Variants in SPIDR observed in about 807,000 individuals in gnomAD.
SPIDR encodes DNA repair-scaffolding protein.
A neutral mutation model predicts 104.6 loss-of-function variants in SPIDR; 93 were observed. That is an observed-to-expected ratio of 0.89 (90% CI 0.75 to 1.06). SPIDR has a LOEUF of 1.06. Among genes scored for constraint, SPIDR ranks in the 50% least tolerant of loss-of-function variants. The pLI is 0.00. For missense variants in SPIDR, 1,154 were observed against 1,111.2 expected (o/e 1.04, Z -0.55); for synonymous variants, 431 against 416.9 (o/e 1.03, Z -0.41).
intron 8 of SPIDR, among the ~76,000 whole-genome samples, chr8:47,593,601 T>G (rs966387517): frequency 1.3e-5 from 2 of 152,246 alleles, no homozygotes; most frequent in Non-Finnish European, 2.9e-5. Flanking sequence ...GTATTATGTT[T>G]TGAGACTCTG....
chr8:47,386,771 TTGATGA>T (rs1554648427), intron 5 of SPIDR, among the ~76,000 whole-genome samples: 1 of 152,040 alleles, frequency 6.6e-6, no homozygotes, highest in Non-Finnish European at 1.5e-5. Context: ...GTATAAGAAC[TTGATGA>T]TGATGATATT....
chr8:47,549,537 T>A (rs2090092059), intron 8 of SPIDR, among the ~76,000 whole-genome samples: 1 of 152,252 alleles, frequency 6.6e-6, no homozygotes, highest in Non-Finnish European at 1.5e-5. Flanking sequence ...TGAGCATGTT[T>A]TCATATGTCT....
intron 8 of SPIDR, among the ~76,000 whole-genome samples, chr8:47,564,110 C>T (rs1460230251): frequency 3.4e-5 from 4 of 118,400 alleles, no homozygotes; most frequent in African/African-American, 6.5e-5. Context: ...GGCGGAGTCT[C>T]GCTCTGTCAC....
chr8:47,609,799 A>T (rs1426858518), intron 10 of SPIDR, among the ~76,000 whole-genome samples: 1 of 152,174 alleles, frequency 6.6e-6, no homozygotes, highest in African/African-American at 2.4e-5. Flanking sequence ...AGCTATACAC[A>T]TTGAATAACT....
chr8:47,664,926 T>C (rs574564838), intron 10 of SPIDR, among the ~76,000 whole-genome samples: 1 of 149,832 alleles, frequency 6.7e-6, no homozygotes, highest in East Asian at 2.0e-4. Flanking sequence ...GATTATGCAA[T>C]CTGAAAGGGA....
At chr8:47,589,022 G>GTTTTTTTTTTTTTTTTTTTTTTTT (rs1168001066) in intron 8 of SPIDR, among the ~76,000 whole-genome samples, 27 of 89,048 alleles carry the variant, frequency 3.0e-4, no homozygotes, top group Non-Finnish European at 3.7e-4. Flanking sequence ...TTTATAGTTT[G>GTTTTTTTTTTTTTTTTTTTTTTTT]TTTTTTTTTT....
chr8:47,723,806 T>G (rs1229342421), intron 16 of SPIDR, among the ~76,000 whole-genome samples: 1 of 152,206 alleles, frequency 6.6e-6, no homozygotes, highest in Non-Finnish European at 1.5e-5. Flanking sequence ...CAAGTCCACT[T>G]TCAAATAACA....
At chr8:47,559,228 G>C (rs1010061579) in intron 8 of SPIDR, among the ~76,000 whole-genome samples, 3 of 152,218 alleles carry the variant, frequency 2.0e-5, no homozygotes, top group African/African-American at 7.2e-5. Context: ...TGCATAAATA[G>C]TGGACATTTT....
At chr8:47,417,052 G>A (rs1318205028) in intron 7 of SPIDR, among the ~76,000 whole-genome samples, 1 of 152,128 alleles carries the variant, frequency 6.6e-6, no homozygotes, top group Non-Finnish European at 1.5e-5. Context: ...TTGGTTCCAA[G>A]TCTTTGCTAT....
intron 5 of SPIDR, among the ~76,000 whole-genome samples, chr8:47,335,392 A>G (rs2049497628): frequency 6.6e-6 from 1 of 152,020 alleles, no homozygotes; most frequent in Admixed American, 6.6e-5. Context: ...AGAATTCTAG[A>G]TTGGTAATTT....
chr8:47,681,416 C>G (rs758910821), intron 11 of SPIDR, among the ~76,000 whole-genome samples: 11 of 151,908 alleles, frequency 7.2e-5, no homozygotes, highest in Non-Finnish European at 1.2e-4. Context: ...GTACAGTAAG[C>G]TCTACAAAAC....
intron 5 of SPIDR, among the ~76,000 whole-genome samples, chr8:47,335,810 G>A (rs534018846): frequency 2.4e-4 from 37 of 152,194 alleles, no homozygotes; most frequent in Non-Finnish European, 5.0e-4. Flanking sequence ...AGAAGAAGTT[G>A]TTATCTTTGC....
At chr8:47,570,077 A>G (rs2154405240) in intron 8 of SPIDR, among the ~76,000 whole-genome samples, 1 of 152,318 alleles carries the variant, frequency 6.6e-6, no homozygotes, top group Admixed American at 6.5e-5. Context: ...TAACAAGATG[A>G]TCATGGGAAT....
intron 10 of SPIDR, among the ~76,000 whole-genome samples, chr8:47,645,602 G>T (rs951639810): frequency 2.6e-5 from 4 of 152,138 alleles, no homozygotes; most frequent in Non-Finnish European, 4.4e-5. Context: ...ATCTAGCTAT[G>T]GGAAACAGAA....
rs1198143072 is a variant in SPIDR at position 47,320,821 on chromosome 8, A to G, written c.525+26791A>G. On this transcript the variant is annotated intron_variant, in intron 5 of 19. Coordinates refer to ENST00000297423, the MANE Select transcript of SPIDR (RefSeq NM_001080394.4). ...TGCAAATCAATAAACATAATCCATC[A>G]TATAAACAGAACCAACGAGTAAAAC... Among the ~76,000 whole-genome samples, 5 of 152,350 alleles carry G rather than the reference A, an allele frequency of 3.3e-5. No individual in the cohort carries two copies. In the East Asian group the frequency reaches 7.7e-4, roughly 23 times the overall value.
chr8:47,311,007 C>G (rs185467381), intron 5 of SPIDR, among the ~76,000 whole-genome samples: 3 of 152,158 alleles, frequency 2.0e-5, no homozygotes, highest in Non-Finnish European at 4.4e-5. Context: ...TGAGACTGGC[C>G]TTGATATGAC....
chr8:47,407,772 T>C (rs782167656), intron 6 of SPIDR, 89 bp from the exon 7 acceptor site: 7 of 664,936 alleles, frequency 1.1e-5, no homozygotes, highest in Admixed American at 2.7e-5. Flanking sequence ...TCTGTTTGTC[T>C]CTGGTTGGGG....
intron 8 of SPIDR, among the ~76,000 whole-genome samples, chr8:47,593,139 G>A (rs944051067): frequency 5.9e-5 from 9 of 152,144 alleles, no homozygotes; most frequent in Non-Finnish European, 7.4e-5. Flanking sequence ...GCCCGCCTCG[G>A]CCTCCCAAAA....
At chr8:47,556,747 A>G (rs1436535739) in intron 8 of SPIDR, among the ~76,000 whole-genome samples, 2 of 152,004 alleles carry the variant, frequency 1.3e-5, no homozygotes, top group South Asian at 2.1e-4. Flanking sequence ...CTACAGGTAC[A>G]TGACACTCCC....
Sources: allele counts gnomAD v4.1 joint callset (sites outside exome capture counted in the v4.1 genomes callset), GRCh38; gene constraint gnomAD v4.1.1; transcripts MANE v1.5; gene names NCBI Gene and HGNC (gene_info 2026-07-23, HGNC 2026-07-21).